Variants in QTMAN observed in about 807,000 individuals in gnomAD.
QTMAN encodes the protein tRNA-queuosine alpha-mannosyltransferase.
the QTMAN span, among the ~76,000 whole-genome samples, chr2:144,290,546 A>G: frequency 1.3e-5 from 2 of 152,322 alleles, no homozygotes; most frequent in East Asian, 3.9e-4. Context: ...CTGGCTTTCC[A>G]TATCAATGCA....
chr2:144,325,839 G>C, the QTMAN span, among the ~76,000 whole-genome samples: 2 of 152,194 alleles, frequency 1.3e-5, no homozygotes, highest in African/African-American at 4.8e-5. Flanking sequence ...TACAAAAACA[G>C]TTGCAGTCAT....
chr2:144,331,886 G>T, the QTMAN span, among the ~76,000 whole-genome samples: 2 of 152,194 alleles, frequency 1.3e-5, no homozygotes, highest in Admixed American at 6.5e-5. Flanking sequence ...GTAACTGAGG[G>T]CGACTAGGAG....
the QTMAN span, among the ~76,000 whole-genome samples, chr2:144,031,279 T>G: frequency 6.6e-6 from 1 of 152,270 alleles, no homozygotes; most frequent in South Asian, 2.1e-4. Context: ...ATTCAAGGGC[T>G]TGGGTATAGT....
At chr2:144,016,724 T>G in the QTMAN span, among the ~76,000 whole-genome samples, 1 of 152,086 alleles carries the variant, frequency 6.6e-6, no homozygotes, top group South Asian at 2.1e-4. Flanking sequence ...CAAACAAATA[T>G]AAGAATTCCC....
the QTMAN span, among the ~76,000 whole-genome samples, chr2:144,149,536 G>C: frequency 6.6e-6 from 1 of 151,814 alleles, no homozygotes; most frequent in Non-Finnish European, 1.5e-5. Flanking sequence ...CTCTGTAAGA[G>C]AAACCTATAT....
the QTMAN span, among the ~76,000 whole-genome samples, chr2:143,957,738 A>G: frequency 6.6e-6 from 1 of 152,234 alleles, no homozygotes; most frequent in Non-Finnish European, 1.5e-5. Flanking sequence ...GTGACAGCTA[A>G]GATTCCTAAT....
At chr2:144,070,890 G>A in the QTMAN span, among the ~76,000 whole-genome samples, 25 of 152,072 alleles carry the variant, frequency 1.6e-4, no homozygotes, top group Non-Finnish European at 3.1e-4. Flanking sequence ...TCACAAAACT[G>A]TATTAGTGAG....
the QTMAN span, among the ~76,000 whole-genome samples, chr2:144,230,922 A>G: frequency 6.6e-6 from 1 of 152,210 alleles, no homozygotes; most frequent in African/African-American, 2.4e-5. Context: ...ATCTACTTAC[A>G]CTATCAGCAG....
the QTMAN span, among the ~76,000 whole-genome samples, chr2:143,981,308 T>C: frequency 2.0e-5 from 3 of 152,096 alleles, no homozygotes; most frequent in Non-Finnish European, 2.9e-5. Flanking sequence ...TATAGTAGGA[T>C]AGGTCTATGA....
the QTMAN span, among the ~76,000 whole-genome samples, chr2:144,250,780 C>G: frequency 2.0e-5 from 3 of 149,788 alleles, no homozygotes; most frequent in African/African-American, 4.9e-5. Flanking sequence ...AAACCTGTGC[C>G]ATGTATTTAT....
At chr2:144,058,947 T>C in the QTMAN span, among the ~76,000 whole-genome samples, 4 of 152,186 alleles carry the variant, frequency 2.6e-5, no homozygotes, top group Non-Finnish European at 4.4e-5. Context: ...ACCTGATAGT[T>C]TTCTCCAATT....
the QTMAN span, among the ~76,000 whole-genome samples, chr2:144,067,606 A>T: frequency 6.6e-6 from 1 of 152,226 alleles, no homozygotes; most frequent in African/African-American, 2.4e-5. Context: ...GGAGCCAGGC[A>T]GAGAAGCAGC....
the QTMAN span, chr2:144,208,768 A>G: frequency 6.2e-7 from 1 of 1,612,506 alleles, no homozygotes; most frequent in Non-Finnish European, 8.5e-7. Context: ...TGCTTCAATG[A>G]TGAGGATACT....
the QTMAN span, among the ~76,000 whole-genome samples, chr2:144,092,698 C>G: frequency 6.6e-6 from 1 of 152,056 alleles, no homozygotes; most frequent in African/African-American, 2.4e-5. Context: ...TCTAAGTGAT[C>G]TTGAGGTAGT....
the QTMAN span, among the ~76,000 whole-genome samples, chr2:144,292,514 T>C: frequency 6.6e-6 from 1 of 152,202 alleles, no homozygotes; most frequent in African/African-American, 2.4e-5. Context: ...TTCTTTCTTA[T>C]TAGGGCTAGG....
the QTMAN span, among the ~76,000 whole-genome samples, chr2:144,245,397 T>C: frequency 6.6e-6 from 1 of 152,222 alleles, no homozygotes; most frequent in Non-Finnish European, 1.5e-5. Context: ...CTGTTTGTAA[T>C]GTTGAAAATT....
chr2:144,140,569 A>C, the QTMAN span, among the ~76,000 whole-genome samples: 1 of 152,220 alleles, frequency 6.6e-6, no homozygotes, highest in South Asian at 2.1e-4. Flanking sequence ...GTCTACAAAT[A>C]CATAGATAAT....
chr2:144,264,562 G>A, the QTMAN span, among the ~76,000 whole-genome samples: 3 of 152,182 alleles, frequency 2.0e-5, no homozygotes, highest in Admixed American at 2.0e-4. Flanking sequence ...AGACTTCCCT[G>A]TAACTTGACA....
At chr2:143,995,861 G>A in the QTMAN span, among the ~76,000 whole-genome samples, 1 of 152,096 alleles carries the variant, frequency 6.6e-6, no homozygotes, top group African/African-American at 2.4e-5. Flanking sequence ...ATCTCCACGT[G>A]TCTAGAAGAT....
Sources: allele counts gnomAD v4.1 joint callset (sites outside exome capture counted in the v4.1 genomes callset), GRCh38; gene constraint gnomAD v4.1.1; transcripts MANE v1.5; gene names NCBI Gene and HGNC (gene_info 2026-07-23, HGNC 2026-07-21).